The following GRIN2A variants were observed in gnomAD, a reference collection of about 807,000 sequenced individuals.
GRIN2A encodes glutamate ionotropic receptor NMDA type subunit 2A.
Under a neutral mutation model 113.4 loss-of-function variants are expected in GRIN2A, and 22 were observed. The ratio of observed to expected loss-of-function variants is 0.19; its 90% CI spans 0.14 to 0.28. GRIN2A has a LOEUF of 0.28. Ranked by LOEUF, GRIN2A falls within the 10% of genes least tolerant of loss-of-function variation. The pLI is 1.00. For synonymous variants in GRIN2A, 827 were observed against 738.4 expected (o/e 1.12, Z -1.94); for missense variants, 1,502 against 1,887.0 (o/e 0.80, Z 3.78).
chr16:9,974,994 T>C (rs989770238), intron 2 of GRIN2A, among the ~76,000 whole-genome samples: 4 of 152,316 alleles, frequency 2.6e-5, no homozygotes, highest in African/African-American at 4.8e-5. Flanking sequence ...TTGACCTTTA[T>C]TGGATATACT....
chr16:10,062,509 T>C (rs754055881), intron 2 of GRIN2A, among the ~76,000 whole-genome samples: 16 of 152,156 alleles, frequency 1.1e-4, no homozygotes, highest in Non-Finnish European at 1.8e-4. Context: ...CATTCGGAAA[T>C]CTGTTTTCAC....
intron 3 of GRIN2A, among the ~76,000 whole-genome samples, chr16:9,922,577 A>G (rs1311633932): frequency 6.6e-6 from 1 of 152,198 alleles, no homozygotes; most frequent in African/African-American, 2.4e-5. Context: ...GTAGACATCA[A>G]TTCCTGACTG....
At chr16:10,179,968 T>C (rs766268713) in intron 2 of GRIN2A, 30 bp downstream of exon 2, 2 of 1,541,556 alleles carry the variant, frequency 1.3e-6, no homozygotes, top group Non-Finnish European at 1.8e-6. Flanking sequence ...GCTTCCCAGG[T>C]CCTGGCAGGG....
chr16:9,893,552 C>T (rs907113328), intron 3 of GRIN2A, among the ~76,000 whole-genome samples: 3 of 152,108 alleles, frequency 2.0e-5, no homozygotes, highest in African/African-American at 4.8e-5. Flanking sequence ...CTGCAACCTC[C>T]GCCTCCCAGG....
chr16:9,912,003 T>C (rs1336009666), intron 3 of GRIN2A, among the ~76,000 whole-genome samples: 2 of 152,088 alleles, frequency 1.3e-5, no homozygotes, highest in African/African-American at 2.4e-5. Flanking sequence ...CCCTACCTCA[T>C]AGTGTTGGTG....
intron 8 of GRIN2A, among the ~76,000 whole-genome samples, chr16:9,831,490 G>A (rs1441485968): frequency 1.4e-5 from 2 of 147,838 alleles, no homozygotes; most frequent in African/African-American, 5.0e-5. Context: ...CTGTCTCCCT[G>A]CCATTGTTTT....
intron 2 of GRIN2A, among the ~76,000 whole-genome samples, chr16:9,948,852 G>T (rs1199854235): frequency 6.6e-6 from 1 of 152,116 alleles, no homozygotes; most frequent in Admixed American, 6.5e-5. Context: ...ATGACCCCAG[G>T]GTATGCATAG....
At chr16:9,898,114 G>T (rs1194224090) in intron 3 of GRIN2A, among the ~76,000 whole-genome samples, 3 of 125,952 alleles carry the variant, frequency 2.4e-5, no homozygotes, top group Non-Finnish European at 4.7e-5. Flanking sequence ...GACTAGCCAT[G>T]ACAGTTTCAT....
intron 10 of GRIN2A, among the ~76,000 whole-genome samples, chr16:9,802,603 G>A (rs2299934): frequency 0.33 from 49,653 of 149,030 alleles, 8,294 homozygotes; most frequent in African/African-American, 0.42. Context: ...TATTATTATT[G>A]TTATTATTTT....
intron 2 of GRIN2A, among the ~76,000 whole-genome samples, chr16:10,146,627 A>C (rs552895651): frequency 6.6e-6 from 1 of 152,178 alleles, no homozygotes; most frequent in Non-Finnish European, 1.5e-5. Flanking sequence ...ACAGCTATTA[A>C]TATTATTATT....
At position 10,180,401 on chromosome 16, in the gene GRIN2A, A is replaced by T; in HGVS notation, c.11T>A (p.Val4Glu). 1 of 1,606,136 alleles carries T rather than the reference A, an allele frequency of 6.2e-7. No individual in the cohort carries two copies. The highest frequency in any genetic ancestry group is 1.1e-5 in the South Asian group (1 of 91,038). The change falls in exon 2 of 13, where the codon GTG becomes GAG. Residue 4 changes from valine (V) to glutamate (E), a missense_variant. Around this residue, in one of 7 missense-constraint regions of GRIN2A, gnomAD observed 149 missense variants for 179.1 expected, o/e 0.83. Coordinates refer to ENST00000330684, the MANE Select transcript of GRIN2A (RefSeq NM_001134407.3). This position sits in a 1 kb window ranked among gnomAD's most constrained non-coding sequence, Gnocchi z 7.0. Reference sequence around the variant, plus strand: ...CAGCACCAGCAGGGTCCAATAGCCCACTCTGCCCATAGTCGCCACTGACGG... The same window carrying T: ...CAGCACCAGCAGGGTCCAATAGCCCTCTCTGCCCATAGTCGCCACTGACGG... MGR[V>E]GYWTLLVLPA...
chr16:10,099,143 A>AT (rs990461926), intron 2 of GRIN2A, among the ~76,000 whole-genome samples: 10 of 152,104 alleles, frequency 6.6e-5, no homozygotes, highest in African/African-American at 2.2e-4. Flanking sequence ...CTGACCTATG[A>AT]TTTTTTTCCT....
At chr16:10,013,682 C>T (rs908895812) in intron 2 of GRIN2A, among the ~76,000 whole-genome samples, 1 of 152,196 alleles carries the variant, frequency 6.6e-6, no homozygotes, top group Non-Finnish European at 1.5e-5. Flanking sequence ...CCTCCTGGGT[C>T]AGGAGCAAGG....
chr16:10,062,794 G>A (rs1413966194), intron 2 of GRIN2A, among the ~76,000 whole-genome samples: 4 of 152,068 alleles, frequency 2.6e-5, no homozygotes, highest in African/African-American at 9.7e-5. Flanking sequence ...GAACCTGGGA[G>A]GCAGAGGTTG....
rs149704467 is a variant in GRIN2A at position 10,075,425 on chromosome 16, T to C, written c.414+104573A>G. Among the ~76,000 whole-genome samples the C allele has an allele frequency of 2.0e-5, 3 of 152,102 alleles. No individual in the cohort carries two copies. In the East Asian group the frequency reaches 5.8e-4, roughly 29 times the overall value. ...TAGAGACAGAAAGTAGAATAGTAGT[T>C]ACCAGGGACCAAGCAGCGGGGCGGA... On this transcript the variant is annotated intron_variant, in intron 2 of 12. Coordinates refer to ENST00000330684, the MANE Select transcript of GRIN2A (RefSeq NM_001134407.3).
At chr16:9,928,882 G>C (rs1022897107) in intron 3 of GRIN2A, among the ~76,000 whole-genome samples, 1 of 152,158 alleles carries the variant, frequency 6.6e-6, no homozygotes, top group African/African-American at 2.4e-5. Flanking sequence ...AACTCTGCAA[G>C]GATGCACCCA....
At chr16:10,031,171 C>T (rs1278111891) in intron 2 of GRIN2A, among the ~76,000 whole-genome samples, 1 of 152,110 alleles carries the variant, frequency 6.6e-6, no homozygotes, top group African/African-American at 2.4e-5. Flanking sequence ...TACGTAAATC[C>T]TCAATGTGGC....
At chr16:10,115,050 T>C (rs2048703236) in intron 2 of GRIN2A, among the ~76,000 whole-genome samples, 1 of 152,260 alleles carries the variant, frequency 6.6e-6, no homozygotes, top group African/African-American at 2.4e-5. Context: ...TCATTTAATT[T>C]TTTGAGTTTG....
chr16:10,082,337 A>G (rs1025840335), intron 2 of GRIN2A, among the ~76,000 whole-genome samples: 6 of 152,250 alleles, frequency 3.9e-5, no homozygotes, highest in African/African-American at 1.4e-4. Flanking sequence ...CACAGGAAGA[A>G]TATTTGGTTT....
Sources: gnomAD v4.1 joint callset for allele counts (sites outside exome capture counted in the v4.1 genomes callset) on GRCh38, gnomAD v4.1.1 for gene constraint, gnomAD v4.1.1 regional missense constraint, Gnocchi (gnomAD v3.1) non-coding constraint, MANE v1.5 for transcripts, NCBI Gene and HGNC (gene_info 2026-07-23, HGNC 2026-07-21) for gene names.